The following PTPRD variants were observed in gnomAD, a reference collection of about 807,000 sequenced individuals.
PTPRD encodes receptor-type tyrosine-protein phosphatase delta.
A neutral mutation model predicts 214.5 loss-of-function variants in PTPRD; 34 were observed. The ratio of observed to expected loss-of-function variants is 0.16; its 90% CI spans 0.12 to 0.21. PTPRD has a LOEUF of 0.21. Among genes scored for constraint, PTPRD ranks in the 10% least tolerant of loss-of-function variants. PTPRD has a pLI of 1.00. For missense variants in PTPRD, 2,545 were observed against 2,398.7 expected, an observed-to-expected ratio of 1.06 and a Z score of -1.27; for synonymous variants, 1,128 against 845.7, an observed-to-expected ratio of 1.33 and a Z score of -5.79.
chr9:9,055,353 G>C (rs1196581820), intron 10 of PTPRD, among the ~76,000 whole-genome samples: 1 of 152,150 alleles, frequency 6.6e-6, no homozygotes, highest in Non-Finnish European at 1.5e-5. Flanking sequence ...TAATTAGTTA[G>C]ATTTAGTCAT....
intron 5 of PTPRD, chr9:9,800,405 T>C (rs2099031533): frequency 6.6e-6 from 1 of 152,172 alleles, no homozygotes; most frequent in South Asian, 2.1e-4. Flanking sequence ...TAAATGTATA[T>C]GAACTCAGCC....
chr9:8,832,868 A>G (rs1319430921), intron 11 of PTPRD, among the ~76,000 whole-genome samples: 1 of 152,016 alleles, frequency 6.6e-6, no homozygotes, highest in African/African-American at 2.4e-5. Flanking sequence ...GCATACCCCC[A>G]AAGAACAAAA....
intron 30 of PTPRD, among the ~76,000 whole-genome samples, chr9:8,483,707 A>G (rs1311443835): frequency 6.6e-6 from 1 of 152,208 alleles, no homozygotes; most frequent in Non-Finnish European, 1.5e-5. Context: ...TGAACCCGGG[A>G]GGTGGAGGTT....
At chr9:9,787,982 C>T (rs2098938136) in intron 5 of PTPRD, among the ~76,000 whole-genome samples, 2 of 151,438 alleles carry the variant, frequency 1.3e-5, no homozygotes, top group African/African-American at 4.8e-5. Context: ...AGGATTTTGC[C>T]ATTTTGACCA....
In PTPRD at chr9:10,483,365, G is replaced by C. The variant is rs189246765; in HGVS notation, c.-600+129033C>G. On this transcript the variant is annotated intron_variant, in intron 2 of 45. Transcript: ENST00000381196. ...CCTAGGAAACACTATTCTGGATACT[G>C]GCCTAGGCAAATAATTTATGATGAA... 2.8e-4 allele frequency among the ~76,000 whole-genome samples: 42 copies of C among 151,968 alleles called. 1 individual carries two copies. Among genetic ancestry groups the C allele is most frequent in the Middle Eastern group, 3.4e-3 (1 of 294 alleles).
At chr9:9,931,975 C>T (rs2086822721) in intron 5 of PTPRD, among the ~76,000 whole-genome samples, 1 of 152,080 alleles carries the variant, frequency 6.6e-6, no homozygotes, top group South Asian at 2.1e-4. Context: ...ACACTGACAC[C>T]TCACACAGCA....
In PTPRD at chr9:10,244,526, AT is replaced by A. The variant is rs2091740519; in HGVS notation, c.-545+96436del. On this transcript the variant is annotated intron_variant, in intron 3 of 45. Transcript: ENST00000381196. Reference sequence around the variant, plus strand: ...TGAGTTTATAGTCAAAACAAATTTCATTTTTTACAACAAAAGTAGTTTATTA... The same window carrying A: ...TGAGTTTATAGTCAAAACAAATTTCATTTTTACAACAAAAGTAGTTTATTA... 2.6e-5 allele frequency among the ~76,000 whole-genome samples: 4 copies of A among 152,098 alleles called. No homozygotes were observed. The South Asian group carries it at 8.3e-4, about 32-fold the overall frequency.
chr9:8,335,311 A>T (rs1266729142), intron 43 of PTPRD, among the ~76,000 whole-genome samples: 1 of 152,030 alleles, frequency 6.6e-6, no homozygotes, highest in Non-Finnish European at 1.5e-5. Context: ...AGTCGGCTTC[A>T]TCCCTGGGAT....
intron 5 of PTPRD, among the ~76,000 whole-genome samples, chr9:9,819,808 G>T (rs1157293211): frequency 6.6e-6 from 1 of 152,130 alleles, no homozygotes; most frequent in Non-Finnish European, 1.5e-5. Flanking sequence ...CAGCCATGTT[G>T]CTGCAAAGGA....
intron 4 of PTPRD, among the ~76,000 whole-genome samples, chr9:9,948,993 G>C (rs1586872677): frequency 6.6e-6 from 1 of 152,104 alleles, no homozygotes; most frequent in East Asian, 1.9e-4. Context: ...GTCAGCATGG[G>C]GGGGCCTAAG....
At chr9:9,922,248 G>T (rs73402642) in intron 5 of PTPRD, among the ~76,000 whole-genome samples, 1 of 151,926 alleles carries the variant, frequency 6.6e-6, no homozygotes, top group African/African-American at 2.4e-5. Flanking sequence ...CTCTACAGTG[G>T]GCAATTACCT....
In PTPRD at chr9:10,418,498, C is replaced by CACACACACACAT. The variant is rs879881642; in HGVS notation, c.-599-77482_-599-77481insATGTGTGTGTGT. On this transcript the variant is annotated intron_variant, in intron 2 of 45. Coordinates refer to ENST00000381196, the MANE Select transcript of PTPRD (RefSeq NM_002839.4). The stretch of plus-strand genomic sequence containing the variant: ...ACACACACACACACACACACACACA[C>CACACACACACAT]TTCATATCCTTCCTTCTGCTGTAAT... Among the ~76,000 whole-genome samples the CACACACACACAT allele has an allele frequency of 5.6e-4, 79 of 141,618 alleles. 2 individuals are homozygous for CACACACACACAT. Among genetic ancestry groups the CACACACACACAT allele is most frequent in the African/African-American group, 2.0e-3 (77 of 38,056 alleles). 92.9% of individuals were successfully genotyped at this position (141,618 alleles called of 152,430 possible).
chr9:10,036,877 ATTATTTATTTAT>A (rs59177466), intron 3 of PTPRD, among the ~76,000 whole-genome samples: 6,893 of 107,202 alleles, frequency 0.064, 575 homozygotes, highest in African/African-American at 0.22. Context: ...CCAAATTTTT[ATTATTTATTTAT>A]TTATTTATTT....
chr9:10,460,631 G>A (rs2098951756), intron 2 of PTPRD, among the ~76,000 whole-genome samples: 1 of 152,078 alleles, frequency 6.6e-6, no homozygotes, highest in Non-Finnish European at 1.5e-5. Flanking sequence ...AAAGGACAAT[G>A]TCTTCAATAA....
intron 3 of PTPRD, among the ~76,000 whole-genome samples, chr9:10,262,840 T>G (rs1478854532): frequency 6.6e-6 from 1 of 152,212 alleles, no homozygotes; most frequent in Non-Finnish European, 1.5e-5. Context: ...ATGGTTTGGC[T>G]GTCTCCTCAC....
rs75008072 is a variant in PTPRD at position 9,570,233 on chromosome 9, C to A, written c.-237+4499G>T. On this transcript the variant is annotated intron_variant, in intron 8 of 45. Coordinates refer to ENST00000381196, the MANE Select transcript of PTPRD (RefSeq NM_002839.4). The stretch of plus-strand genomic sequence containing the variant: ...TTATTATTATTATTTGGACTTCAAA[C>A]GGTGTTTGTGACTTCAGATTAGACT... Among the ~76,000 whole-genome samples, 155 of 151,540 alleles carry A rather than the reference C, an allele frequency of 1.0e-3. 3 individuals carry two copies. In the East Asian group the frequency reaches 0.02, roughly 20 times the overall value.
At chr9:8,396,677 G>A (rs1009694537) in intron 36 of PTPRD, among the ~76,000 whole-genome samples, 4 of 151,988 alleles carry the variant, frequency 2.6e-5, no homozygotes, top group Admixed American at 6.6e-5. Flanking sequence ...TCTCTTTTCC[G>A]GGTAAGAAAC....
At chr9:9,133,215 A>G (rs2099845523) in intron 10 of PTPRD, among the ~76,000 whole-genome samples, 1 of 152,152 alleles carries the variant, frequency 6.6e-6, no homozygotes, top group Non-Finnish European at 1.5e-5. Flanking sequence ...AATTACACAG[A>G]GGTAGGGCAG....
At chr9:8,692,385 A>C (rs1445501526) in intron 12 of PTPRD, among the ~76,000 whole-genome samples, 2 of 151,948 alleles carry the variant, frequency 1.3e-5, no homozygotes, top group African/African-American at 4.8e-5. Flanking sequence ...CTTCCATTGG[A>C]CCTCCTGTCT....
Sources: allele counts gnomAD v4.1 joint callset (sites outside exome capture counted in the v4.1 genomes callset), GRCh38; gene constraint gnomAD v4.1.1; transcripts MANE v1.5; gene names NCBI Gene and HGNC (gene_info 2026-07-23, HGNC 2026-07-21).